The following MYO18B variants were observed in gnomAD, a reference collection of about 807,000 sequenced individuals.
The protein encoded by MYO18B is unconventional myosin-XVIIIb.
MYO18B carries 204 observed loss-of-function variants against 273.0 expected under a neutral mutation model. The observed-to-expected ratio is 0.75, with a 90% CI of 0.67 to 0.84. The LOEUF is 0.84. Among genes scored for constraint, MYO18B ranks in the 40% least tolerant of loss-of-function variants. The probability of loss-of-function intolerance (pLI) is 0.00; values close to 1 mark genes in which losing one functional copy is unlikely to be tolerated. For missense variants in MYO18B, 3,212 were observed against 3,287.6 expected, an observed-to-expected ratio of 0.98 and a Z score of 0.56; for synonymous variants, 1,330 against 1,305.7, an observed-to-expected ratio of 1.02 and a Z score of -0.40.
chr22:25,958,883 C>T (rs1354707767), intron 39 of MYO18B, among the ~76,000 whole-genome samples: 1 of 152,176 alleles, frequency 6.6e-6, no homozygotes, highest in Non-Finnish European at 1.5e-5. Context: ...CTCTAAACTA[C>T]ACTAAAATCC....
At chr22:25,840,811 A>G (rs971902818) in intron 17 of MYO18B, among the ~76,000 whole-genome samples, 2 of 152,158 alleles carry the variant, frequency 1.3e-5, no homozygotes, top group African/African-American at 4.8e-5. Flanking sequence ...CTCCCCTTTT[A>G]TCCATGAGGT....
At position 25,808,615 on chromosome 22, in the gene MYO18B, C is replaced by T. The variant is rs1426588434; in HGVS notation, c.2521+10518C>T. ...CAGCTCCATCTAATCTCCATCCAGT[C>T]CCCAATTTGGAAGGTTGTCCCTCTA... On this transcript the variant is annotated intron_variant, in intron 12 of 43. Transcript: ENST00000335473. Among the ~76,000 whole-genome samples, 4 of 152,146 alleles carry T rather than the reference C, an allele frequency of 2.6e-5. No homozygotes were observed. The East Asian group carries it at 7.7e-4, about 29-fold the overall frequency.
intron 9 of MYO18B, among the ~76,000 whole-genome samples, chr22:25,781,455 A>G (rs944503610): frequency 6.6e-6 from 1 of 151,984 alleles, no homozygotes; most frequent in Admixed American, 6.6e-5. Flanking sequence ...TAAAAAAACA[A>G]AAAAATTAGC....
chr22:25,868,194 C>T, intron 21 of MYO18B, 126 bp from the exon 22 acceptor site: 1 of 774,038 alleles, frequency 1.3e-6, no homozygotes, highest in Non-Finnish European at 2.1e-6. Flanking sequence ...CTCTGTTAGC[C>T]AAAGCTCACA....
chr22:25,754,912 TC>T (rs1420628352), intron 1 of MYO18B, among the ~76,000 whole-genome samples: 1 of 152,092 alleles, frequency 6.6e-6, no homozygotes, highest in African/African-American at 2.4e-5. Flanking sequence ...CAGCCAGGAT[TC>T]CCCCTGGAGC....
the MYO18B span, among the ~76,000 whole-genome samples, chr22:26,048,915 G>A: frequency 1.3e-5 from 2 of 152,268 alleles, no homozygotes; most frequent in African/African-American, 2.4e-5. Flanking sequence ...ACCAACAGTG[G>A]TAGAAGTGTT....
At chr22:25,777,437 C>A in intron 7 of MYO18B, 146 bp from the exon 8 acceptor site, 1 of 756,406 alleles carries the variant, frequency 1.3e-6, no homozygotes, top group Non-Finnish European at 2.0e-6. Context: ...TCCTCCTAGT[C>A]GAGTAGGAAG....
chr22:25,757,822 GTTTTGTTCA>G (rs1477706159), intron 1 of MYO18B, among the ~76,000 whole-genome samples: 1 of 152,138 alleles, frequency 6.6e-6, no homozygotes, highest in East Asian at 1.9e-4. Flanking sequence ...TACAGGAAGT[GTTTTGTTCA>G]TTTTGGACAG....
intron 10 of MYO18B, among the ~76,000 whole-genome samples, chr22:25,784,134 T>C (rs975258402): frequency 6.6e-6 from 1 of 152,236 alleles, no homozygotes; most frequent in African/African-American, 2.4e-5. Context: ...GCCTGGTATG[T>C]GCTTCTGGTT....
chr22:25,785,839 G>A (rs957485753), intron 11 of MYO18B, among the ~76,000 whole-genome samples: 6 of 152,128 alleles, frequency 3.9e-5, no homozygotes, highest in Non-Finnish European at 8.8e-5. Flanking sequence ...AATGATAGTA[G>A]CAGTATCTGC....
intron 34 of MYO18B, among the ~76,000 whole-genome samples, chr22:25,936,854 T>C (rs187922345): frequency 9.7e-4 from 147 of 152,142 alleles, no homozygotes; most frequent in Non-Finnish European, 1.3e-3. Flanking sequence ...ACGAATCTCA[T>C]CATGGAGGCC....
rs557900186 is a variant in MYO18B, at chr22:26,025,859, G to A, written c.6471-586G>A. Reference sequence around the variant, plus strand: ...CTGGTGTAGTCCCAGAATAGAAACCGTCTGTCCTCTTGTGTATAGTCTTGG... The same window carrying A: ...CTGGTGTAGTCCCAGAATAGAAACCATCTGTCCTCTTGTGTATAGTCTTGG... On this transcript the variant is annotated intron_variant, in intron 42 of 43. Transcript: ENST00000335473. Among the ~76,000 whole-genome samples the A allele has an allele frequency of 3.3e-5, 5 of 152,294 alleles. No homozygotes were observed. The East Asian group carries it at 7.7e-4, about 24-fold the overall frequency.
chr22:25,775,302 G>A (rs2086874624), intron 7 of MYO18B, among the ~76,000 whole-genome samples: 1 of 152,222 alleles, frequency 6.6e-6, no homozygotes, highest in Non-Finnish European at 1.5e-5. Context: ...GGGGCTTGGA[G>A]CAGGAAGAGC....
At chr22:25,936,922 C>T (rs1461586240) in intron 34 of MYO18B, among the ~76,000 whole-genome samples, 1 of 152,112 alleles carries the variant, frequency 6.6e-6, no homozygotes, top group Non-Finnish European at 1.5e-5. Context: ...TCTCCTAATA[C>T]CATCACATTA....
At position 25,768,910 on chromosome 22, in the gene MYO18B, C is replaced by A; in HGVS notation, c.994C>A (p.Gln332Lys). 1 of 1,612,618 alleles carries A rather than the reference C, an allele frequency of 6.2e-7. No homozygotes were observed. Among genetic ancestry groups the A allele is most frequent in the Admixed American group, 1.7e-5 (1 of 59,834 alleles). The change falls in exon 4 of 44, where the codon CAG becomes AAG. Residue 332 changes from glutamine to lysine, a missense_variant. Physicochemically the swap from Gln to Lys is moderately conservative, Grantham distance 53 (BLOSUM62 1). Transcript: ENST00000335473. The part of the protein sequence containing the change: ...LGRRSKWDGP[Q>K]NKKDKEGVLL... ...AAGAAGGAGTAAGTGGGACGGTCCC[C>A]AGAATAAGAAGGACAAAGAAGGGGT...
the MYO18B span, among the ~76,000 whole-genome samples, chr22:26,041,904 G>T: frequency 6.6e-6 from 1 of 152,240 alleles, no homozygotes; most frequent in Admixed American, 6.5e-5. Context: ...CCCTGGGTAA[G>T]GCAAGAGCTA....
intron 22 of MYO18B, among the ~76,000 whole-genome samples, chr22:25,874,060 T>G (rs970437282): frequency 3.3e-5 from 5 of 152,156 alleles, no homozygotes; most frequent in Non-Finnish European, 7.3e-5. Flanking sequence ...ATGCCACTGG[T>G]GCGTGGGCCA....
chr22:25,843,415 G>T (rs983065070), intron 17 of MYO18B, among the ~76,000 whole-genome samples: 7 of 152,094 alleles, frequency 4.6e-5, no homozygotes, highest in Non-Finnish European at 1.0e-4. Flanking sequence ...AATGTAAGTC[G>T]ATTTAAAGAA....
intron 39 of MYO18B, among the ~76,000 whole-genome samples, chr22:25,979,220 A>C (rs1373055025): frequency 6.6e-6 from 1 of 152,198 alleles, no homozygotes; most frequent in African/African-American, 2.4e-5. Context: ...CTGCATTTCC[A>C]TTTAAATTGA....
Sources: allele counts gnomAD v4.1 joint callset (sites outside exome capture counted in the v4.1 genomes callset), GRCh38; gene constraint gnomAD v4.1.1; transcripts MANE v1.5; gene names NCBI Gene and HGNC (gene_info 2026-07-23, HGNC 2026-07-21).